The following NELL2 variants were observed in gnomAD, a reference collection of about 807,000 sequenced individuals.
NELL2 encodes the protein neural EGFL like 2.
In NELL2, 41 loss-of-function variants were observed where a neutral mutation model predicts 109.6. That is an observed-to-expected ratio of 0.37 (90% CI 0.29 to 0.49). NELL2 has a LOEUF of 0.49. NELL2 is among the 20% of genes least tolerant of loss of function. NELL2 has a pLI of 0.98. For missense variants in NELL2, 900 were observed against 1,008.3 expected (o/e 0.89, Z 1.45); for synonymous variants, 355 against 344.7 (o/e 1.03, Z -0.33).
At chr12:44,665,889 T>C (rs1407723953) in intron 12 of NELL2, among the ~76,000 whole-genome samples, 1 of 152,238 alleles carries the variant, frequency 6.6e-6, no homozygotes, top group Non-Finnish European at 1.5e-5. Flanking sequence ...TGCCTATGCT[T>C]GATAAAATGA....
At chr12:44,679,857 C>T (rs181059165) in intron 12 of NELL2, among the ~76,000 whole-genome samples, 65 of 152,248 alleles carry the variant, frequency 4.3e-4, no homozygotes, top group African/African-American at 1.5e-3. Context: ...ATAGTATCTT[C>T]CCTAACCTCT....
At chr12:44,883,923 A>G (rs1372038074) in intron 1 of NELL2, among the ~76,000 whole-genome samples, 1 of 151,926 alleles carries the variant, frequency 6.6e-6, no homozygotes, top group African/African-American at 2.4e-5. Flanking sequence ...AACAGAAAAT[A>G]GAAAGAACAA....
At chr12:44,563,084 CAT>C (rs1405936890) in intron 15 of NELL2, among the ~76,000 whole-genome samples, 1 of 152,164 alleles carries the variant, frequency 6.6e-6, no homozygotes, top group East Asian at 1.9e-4. Flanking sequence ...CAAAACACCA[CAT>C]GTTCTCACTC....
intron 15 of NELL2, among the ~76,000 whole-genome samples, chr12:44,544,609 TG>T (rs1401530113): frequency 6.6e-6 from 1 of 152,162 alleles, no homozygotes; most frequent in Admixed American, 6.5e-5. Context: ...AATTCTTCTC[TG>T]TTGTTTGGTA....
intron 3 of NELL2, among the ~76,000 whole-genome samples, chr12:44,780,422 T>A (rs988042228): frequency 6.6e-6 from 1 of 151,780 alleles, no homozygotes; most frequent in African/African-American, 2.4e-5. Context: ...CAGTCAAACA[T>A]CACAGAAAAA....
intron 13 of NELL2, among the ~76,000 whole-genome samples, chr12:44,632,232 G>A (rs1016620082): frequency 2.0e-5 from 3 of 152,050 alleles, no homozygotes; most frequent in Admixed American, 6.6e-5. Context: ...ATAGTGAAAG[G>A]CTTGTTGTTT....
intron 2 of NELL2, among the ~76,000 whole-genome samples, chr12:44,816,704 A>G (rs1458808543): frequency 6.6e-6 from 1 of 152,204 alleles, no homozygotes; most frequent in East Asian, 1.9e-4. Flanking sequence ...ATTAAGATCA[A>G]ATTATCTCAC....
chr12:44,776,823 T>C (rs1327262009), intron 7 of NELL2, among the ~76,000 whole-genome samples: 1 of 152,210 alleles, frequency 6.6e-6, no homozygotes, highest in Non-Finnish European at 1.5e-5. Context: ...ATAAATTAGG[T>C]AATCTGCCTC....
intron 2 of NELL2, among the ~76,000 whole-genome samples, chr12:44,821,046 T>TACACAC (rs10664645): frequency 0.035 from 5,256 of 148,916 alleles, 107 homozygotes; most frequent in South Asian, 0.067. Context: ...GCTTTATAAA[T>TACACAC]ACACACACAC....
chr12:44,738,419 A>G (rs1939765893), intron 9 of NELL2, among the ~76,000 whole-genome samples: 1 of 152,098 alleles, frequency 6.6e-6, no homozygotes, highest in Non-Finnish European at 1.5e-5. Context: ...GTGTCTGTTG[A>G]CAGATAATTG....
intron 3 of NELL2, among the ~76,000 whole-genome samples, chr12:44,796,828 A>G (rs563156817): frequency 5.0e-4 from 76 of 152,264 alleles, no homozygotes; most frequent in African/African-American, 1.6e-3. Context: ...GATGGCTTGA[A>G]TAACAACCTA....
intron 13 of NELL2, among the ~76,000 whole-genome samples, chr12:44,623,629 A>C (rs920269803): frequency 3.3e-5 from 5 of 152,074 alleles, no homozygotes; most frequent in Non-Finnish European, 7.4e-5. Context: ...GAATCACTAA[A>C]AGTTTTCAGG....
rs182614489 is a variant in NELL2, at chr12:44,650,968, G to A, written c.1444+14516C>T. Among the ~76,000 whole-genome samples the A allele has an allele frequency of 1.9e-3, 288 of 152,306 alleles. 2 individuals are homozygous for A. Among genetic ancestry groups the A allele is most frequent in the African/African-American group, 6.4e-3 (264 of 41,558 alleles). On this transcript the variant is annotated intron_variant, in intron 13 of 19. Transcript: ENST00000429094. ...GCCGGGGGTCCCCAAGGCCTGGGCC[G>A]TGGACTGGTACCAGTCTGTGGCCTG... is the stretch of plus-strand genomic sequence containing the variant.
chr12:44,698,106 A>G (rs1949116636), intron 12 of NELL2, among the ~76,000 whole-genome samples: 1 of 152,158 alleles, frequency 6.6e-6, no homozygotes, highest in Non-Finnish European at 1.5e-5. Context: ...TCTCCTTTTT[A>G]TAATGAAAGT....
At chr12:44,790,150 G>T (rs929316167) in intron 3 of NELL2, among the ~76,000 whole-genome samples, 1 of 152,100 alleles carries the variant, frequency 6.6e-6, no homozygotes, top group African/African-American at 2.4e-5. Flanking sequence ...ATCATAAAAA[G>T]ATCATCGCCT....
chr12:44,681,208 C>A (rs1948486839), intron 12 of NELL2, among the ~76,000 whole-genome samples: 1 of 149,894 alleles, frequency 6.7e-6, no homozygotes, highest in African/African-American at 2.4e-5. Flanking sequence ...TCCTTTATGT[C>A]TTTTCTTATA....
At chr12:44,632,184 A>G (rs1398517350) in intron 13 of NELL2, among the ~76,000 whole-genome samples, 1 of 152,146 alleles carries the variant, frequency 6.6e-6, no homozygotes, top group Non-Finnish European at 1.5e-5. Context: ...AACCTGATAA[A>G]TGGCGTCAAC....
chr12:44,597,146 C>T (rs1253941355), intron 15 of NELL2, among the ~76,000 whole-genome samples: 1 of 152,100 alleles, frequency 6.6e-6, no homozygotes, highest in Non-Finnish European at 1.5e-5. Context: ...AAACCTGCCT[C>T]CTGGTAAATT....
intron 12 of NELL2, among the ~76,000 whole-genome samples, chr12:44,694,088 G>C (rs1730042518): frequency 6.6e-6 from 1 of 152,122 alleles, no homozygotes; most frequent in Non-Finnish European, 1.5e-5. Context: ...GTGACAACTT[G>C]ACTAGGCCAG....
Sources: gnomAD v4.1 joint callset for allele counts (sites outside exome capture counted in the v4.1 genomes callset) on GRCh38, gnomAD v4.1.1 for gene constraint, MANE v1.5 for transcripts, NCBI Gene and HGNC (gene_info 2026-07-23, HGNC 2026-07-21) for gene names.